Variants in GPR37L1 observed in about 807,000 individuals in gnomAD.
The protein encoded by GPR37L1 is G protein-coupled receptor 37 like 1, also known as G protein-coupled receptor 37-like 1.
Under a neutral mutation model 18.0 loss-of-function variants are expected in GPR37L1, and 18 were observed. The ratio of observed to expected loss-of-function variants is 1.00; its 90% confidence interval spans 0.69 to 1.49. GPR37L1 has a LOEUF of 1.49. GPR37L1 is among the 40% of genes most tolerant of loss of function. The pLI is 0.00. For synonymous variants in GPR37L1, 256 were observed against 273.9 expected, an observed-to-expected ratio of 0.93 and a Z score of 0.65; for missense variants, 558 against 615.1, an observed-to-expected ratio of 0.91 and a Z score of 0.98.
chr1:202,125,778 G>A (rs1344644024), intron 1 of GPR37L1, among the ~76,000 whole-genome samples: 3 of 152,168 alleles, frequency 2.0e-5, no homozygotes, highest in East Asian at 3.8e-4. Context: ...GTGGAATGCC[G>A]TGGTGTAATC....
Position 202,130,167 on chromosome 1 carries a change from A to C in GPR37L1, c.*1611A>C, listed in dbSNP as rs1029793985. 6.6e-6 allele frequency: 1 copy of C among 152,286 alleles called. No homozygotes were observed. Among genetic ancestry groups the C allele is most frequent in the Non-Finnish European group, 1.5e-5 (1 of 68,130 alleles). 9.4% of individuals were successfully genotyped at this position (152,286 alleles called of 1,614,324 possible). Reference sequence around the variant, plus strand: ...TAGGTCCCTGGGAAGCTGGCACAGCATCAACCAGAAGTGATGCCTCAGCCA... The same window carrying C: ...TAGGTCCCTGGGAAGCTGGCACAGCCTCAACCAGAAGTGATGCCTCAGCCA... On this transcript the variant is annotated 3_prime_UTR_variant, in exon 2 of 2. Coordinates refer to ENST00000367282, the MANE Select transcript of GPR37L1 (RefSeq NM_004767.5).
At position 202,129,711 on chromosome 1, in the gene GPR37L1, A is replaced by C. The variant is rs1020201618; in HGVS notation, c.*1155A>C. The C allele has an allele frequency of 6.6e-6, 1 of 152,222 alleles. No individual in the cohort carries two copies. Among genetic ancestry groups the C allele is most frequent in the African/African-American group, 2.4e-5 (1 of 41,432 alleles). 9.4% of individuals were successfully genotyped at this position (152,222 alleles called of 1,614,324 possible). A position where few individuals can be genotyped will look rare whatever the true frequency, so the allele number is the denominator to read the frequency against. ...GTTTTATGGCTTTTGAGGGACAGAG[A>C]GGATGGAGGGCTTGGGGAGCCGGAG... On this transcript the variant is annotated 3_prime_UTR_variant, in exon 2 of 2. Transcript: ENST00000367282.
In GPR37L1 at chr1:202,130,229, C is replaced by T. The variant is rs1220480859; in HGVS notation, c.*1673C>T. ...GCTCCCCGCCTGGGAGCTCAGCTTTCCTCAGAACCACCCCCCCTGTCTGAA... is the reference window on the plus strand; with the variant it reads ...GCTCCCCGCCTGGGAGCTCAGCTTTTCTCAGAACCACCCCCCCTGTCTGAA... On this transcript the variant is annotated 3_prime_UTR_variant, in exon 2 of 2. Transcript: ENST00000367282. 1 of 152,428 alleles carries T rather than the reference C, an allele frequency of 6.6e-6. No homozygotes were observed. Among genetic ancestry groups the T allele is most frequent in the Non-Finnish European group, 1.5e-5 (1 of 68,270 alleles). 9.4% of individuals were successfully genotyped at this position (152,428 alleles called of 1,614,324 possible). A position where few individuals can be genotyped will look rare whatever the true frequency, so the allele number is the denominator to read the frequency against.
chr1:202,123,941 C>T (rs1654581086), intron 1 of GPR37L1, among the ~76,000 whole-genome samples: 1 of 152,150 alleles, frequency 6.6e-6, no homozygotes, highest in South Asian at 2.1e-4. Context: ...CCCTGTCCCA[C>T]CCAAGATACC....
At chr1:202,124,661 G>T (rs1352913404) in intron 1 of GPR37L1, among the ~76,000 whole-genome samples, 1 of 152,210 alleles carries the variant, frequency 6.6e-6, no homozygotes, top group East Asian at 1.9e-4. Flanking sequence ...GATGCTGCAT[G>T]ACAAGGGGGA....
At position 202,127,836 on chromosome 1, in the gene GPR37L1, C is replaced by G. The variant is rs763751843; in HGVS notation, c.726C>G (p.Ile242Met). Residue 242 changes from isoleucine (I) to methionine (M), a missense_variant, in exon 2 of 2, where the codon ATC (isoleucine) becomes ATG (methionine). By Grantham distance (10) the Ile-to-Met change is conservative. Coordinates refer to ENST00000367282, the MANE Select transcript of GPR37L1 (RefSeq NM_004767.5). ...GCACCCTGCCCAAGGTGAGGCCCAT[C>G]GAGCGGTGCCAATCCATCCTGGCCA... is the stretch of plus-strand genomic sequence containing the variant. ...ATSTLPKVRP[I>M]ERCQSILAKL... 1 of 1,613,876 alleles carries G rather than the reference C, an allele frequency of 6.2e-7. No individual in the cohort carries two copies. Among genetic ancestry groups the G allele is most frequent in the Admixed American group, 1.7e-5 (1 of 60,014 alleles).
chr1:202,128,444 CCTCTG>C lies in GPR37L1; in HGVS notation c.1337_1341del (p.Ser446CysfsTer39), dbSNP rs996890220. On this transcript the variant is annotated frameshift_variant, in exon 2 of 2. Coordinates refer to ENST00000367282, the MANE Select transcript of GPR37L1 (RefSeq NM_004767.5). LOFTEE classifies it low-confidence loss of function (END_TRUNC). ...GAGGAGTGCGGCGGGGCTTCGGAGGCCTCTGCTGCCAATGGGTCGGACAACAAGCT... is the reference window on the plus strand; with the variant it reads ...GAGGAGTGCGGCGGGGCTTCGGAGGCCTGCCAATGGGTCGGACAACAAGCT... 3 of 1,610,352 alleles carry C rather than the reference CCTCTG, an allele frequency of 1.9e-6. No homozygotes were observed. The highest frequency in any genetic ancestry group is 2.5e-6 in the Non-Finnish European group (3 of 1,178,446).
Position 202,123,477 on chromosome 1 carries a change from C to T in GPR37L1, c.514C>T (p.Leu172=), listed in dbSNP as rs1248246945. The T allele has an allele frequency of 1.2e-6, 2 of 1,613,986 alleles. No homozygotes were observed. The highest frequency in any genetic ancestry group is 1.7e-6 in the Non-Finnish European group (2 of 1,180,028). The part of the protein sequence containing the change: ...KSAWNSILAS[L]ALWDFLVLFF... Reference sequence around the variant, plus strand: ...TGCCTGGAACTCCATCCTTGCCAGCCTGGCCCTCTGGGATTTTCTGGTCCT... The same window carrying T: ...TGCCTGGAACTCCATCCTTGCCAGCTTGGCCCTCTGGGATTTTCTGGTCCT... Residue 172 remains leucine, a synonymous_variant, in exon 1 of 2, where the codon CTG becomes TTG. Coordinates refer to ENST00000367282, the MANE Select transcript of GPR37L1 (RefSeq NM_004767.5).
rs535935555 is a variant in GPR37L1 at position 202,131,122 on chromosome 1, G to C, written c.*2566G>C. On this transcript the variant is annotated 3_prime_UTR_variant, in exon 2 of 2. Coordinates refer to ENST00000367282, the MANE Select transcript of GPR37L1 (RefSeq NM_004767.5). ...GGGTCCCAGGCTTGCGGGGGGGTTG[G>C]CACATGGTGGGCAGTGGACTTGAGC... 5 of 152,428 alleles carry C rather than the reference G, an allele frequency of 3.3e-5. No individual in the cohort carries two copies. The allele number at this position is 152,428 out of a possible 1,614,324, so 9.4% of individuals were successfully genotyped here.
chr1:202,128,531 T>C lies in GPR37L1; in HGVS notation c.1421T>C (p.Leu474Pro). ...YFHKPRESPP[L>P]LPLGTPC ...CACAAGCCCAGGGAGTCACCCCCAC[T>C]CCTGCCCCTGGGCACACCTTGCTGA... Residue 474 changes from leucine to proline, a missense_variant, in exon 2 of 2, where the codon CTC (leucine) becomes CCC (proline). Coordinates refer to ENST00000367282, the MANE Select transcript of GPR37L1 (RefSeq NM_004767.5). 3 of 1,460,930 alleles carry C rather than the reference T, an allele frequency of 2.1e-6. No individual in the cohort carries two copies. Among genetic ancestry groups the C allele is most frequent in the Non-Finnish European group, 2.8e-6 (3 of 1,084,088 alleles). The allele number at this position is 1,460,930 out of a possible 1,614,324, so 90.5% of individuals were successfully genotyped here. A position where few individuals can be genotyped will look rare whatever the true frequency, so the allele number is the denominator to read the frequency against.
intron 1 of GPR37L1, among the ~76,000 whole-genome samples, chr1:202,123,992 C>G (rs571870580): frequency 6.6e-6 from 1 of 152,154 alleles, no homozygotes; most frequent in African/African-American, 2.4e-5. Context: ...CTCTGTACCC[C>G]CTGCCGCTGC....
rs1208189972 is a variant in GPR37L1 at position 202,128,429 on chromosome 1, G to C, written c.1319G>C (p.Gly440Ala). Residue 440 changes from glycine to alanine, a missense_variant, in exon 2 of 2, where the codon GGC becomes GCC. Coordinates refer to ENST00000367282, the MANE Select transcript of GPR37L1 (RefSeq NM_004767.5). ...CCCCCCCEEC[G>A]GASEASAANG... ...TGCTGCTGCTGCTGTGAGGAGTGCG[G>C]CGGGGCTTCGGAGGCCTCTGCTGCC... 2 of 1,612,024 alleles carry C rather than the reference G, an allele frequency of 1.2e-6. No homozygotes were observed. Among genetic ancestry groups the C allele is most frequent in the Admixed American group, 3.4e-5 (2 of 59,556 alleles).
Position 202,128,566 on chromosome 1 carries a change from A to C in GPR37L1, c.*10A>C. 4.6e-5 allele frequency: 36 copies of C among 781,458 alleles called. No homozygotes were observed. Among genetic ancestry groups the C allele is most frequent in the Non-Finnish European group, 7.2e-5 (36 of 500,790 alleles). The allele number at this position is 781,458 out of a possible 1,614,324, so 48.4% of individuals were successfully genotyped here. ...GGGCACACCTTGCTGAGGCCCCAGT[A>C]GGGGTGGGGAGGGAGGGAGAGGCCG... On this transcript the variant is annotated 3_prime_UTR_variant, in exon 2 of 2. Coordinates refer to ENST00000367282, the MANE Select transcript of GPR37L1 (RefSeq NM_004767.5).
rs1654843543 is a variant in GPR37L1, at chr1:202,131,201, A to T, written c.*2645A>T. 6.6e-6 allele frequency: 1 copy of T among 152,224 alleles called. No individual in the cohort carries two copies. 9.4% of individuals were successfully genotyped at this position (152,224 alleles called of 1,614,324 possible). A position where few individuals can be genotyped will look rare whatever the true frequency, so the allele number is the denominator to read the frequency against. The stretch of plus-strand genomic sequence containing the variant: ...CTCACCCGAGGGCAGACTTCAGACC[A>T]GCCCTCAGATCCTGATGCCAGGTTA... On this transcript the variant is annotated 3_prime_UTR_variant, in exon 2 of 2. Transcript: ENST00000367282.
rs1278122389 is a variant in GPR37L1, at chr1:202,123,150, G to A, written c.187G>A (p.Glu63Lys). The change falls in exon 1 of 2, where the codon GAG becomes AAG. Residue 63 changes from glutamate to lysine, a missense_variant. Glu to Lys is a moderately conservative substitution (Grantham distance 56). Transcript: ENST00000367282. ...GGGCGTGCAGCAGTATGTGCCTGAGGAGTGGGCGGAGTACCCCCGGCCCAT... is the reference window on the plus strand; with the variant it reads ...GGGCGTGCAGCAGTATGTGCCTGAGAAGTGGGCGGAGTACCCCCGGCCCAT... ...AKGVQQYVPEEWAEYPRPIHP... is the reference protein window; with the variant it reads ...AKGVQQYVPEKWAEYPRPIHP... The A allele has an allele frequency of 1.9e-6, 3 of 1,613,348 alleles. No individual in the cohort carries two copies. Among genetic ancestry groups the A allele is most frequent in the African/African-American group, 2.7e-5 (2 of 74,946 alleles).
chr1:202,128,130 G>A lies in GPR37L1; in HGVS notation c.1020G>A (p.Gly340=), dbSNP rs1468307692. 2 of 1,613,976 alleles carry A rather than the reference G, an allele frequency of 1.2e-6. No homozygotes were observed. The highest frequency in any genetic ancestry group is 2.7e-5 in the African/African-American group (2 of 74,938). Residue 340 remains glycine (G), a synonymous_variant, in exon 2 of 2, where the codon GGG becomes GGA. Coordinates refer to ENST00000367282, the MANE Select transcript of GPR37L1 (RefSeq NM_004767.5). ...CATGGCGGGTGCGAGGCCCTCCAGG[G>A]AGGAAGTCAGAGTGCAGGGCCAGCA... ...LVTWRVRGPP[G]RKSECRASKH...
intron 1 of GPR37L1, among the ~76,000 whole-genome samples, chr1:202,125,243 C>A (rs946625333): frequency 6.6e-6 from 1 of 150,944 alleles, no homozygotes. Context: ...CCCAGGTGAG[C>A]TGTGCATGCT....
intron 1 of GPR37L1, among the ~76,000 whole-genome samples, chr1:202,126,014 G>A (rs779819087): frequency 5.3e-5 from 8 of 152,132 alleles, no homozygotes; most frequent in African/African-American, 9.7e-5. Flanking sequence ...GATCCACCGC[G>A]CCCAGCAACA....
rs1313039344 is a variant in GPR37L1 at position 202,129,705 on chromosome 1, A to T, written c.*1149A>T. ...CCAAGGGTTTTATGGCTTTTGAGGG[A>T]CAGAGAGGATGGAGGGCTTGGGGAG... is the stretch of plus-strand genomic sequence containing the variant. On this transcript the variant is annotated 3_prime_UTR_variant, in exon 2 of 2. Coordinates refer to ENST00000367282, the MANE Select transcript of GPR37L1 (RefSeq NM_004767.5). 2 of 152,226 alleles carry T rather than the reference A, an allele frequency of 1.3e-5. No homozygotes were observed. The highest frequency in any genetic ancestry group is 2.9e-5 in the Non-Finnish European group (2 of 68,092). The allele number at this position is 152,226 out of a possible 1,614,324, so 9.4% of individuals were successfully genotyped here. A position where few individuals can be genotyped will look rare whatever the true frequency, so the allele number is the denominator to read the frequency against.
Sources: gnomAD v4.1 joint callset for allele counts (sites outside exome capture counted in the v4.1 genomes callset) on GRCh38, gnomAD v4.1.1 for gene constraint, MANE v1.5 for transcripts, NCBI Gene and HGNC (gene_info 2026-07-23, HGNC 2026-07-21) for gene names.